ATP2B2: variants seen among roughly 807,000 people sequenced by gnomAD.
ATP2B2 encodes ATPase plasma membrane Ca2+ transporting 2.
A neutral mutation model predicts 120.0 loss-of-function variants in ATP2B2; 15 were observed. The ratio of observed to expected loss-of-function variants is 0.12; its 90% CI spans 0.08 to 0.19. The LOEUF is 0.19. Ranked by LOEUF, ATP2B2 falls within the 10% of genes least tolerant of loss-of-function variation. The pLI, the probability that ATP2B2 is intolerant of heterozygous loss-of-function variation, is 1.00. For synonymous variants in ATP2B2, 694 were observed against 700.3 expected (o/e 0.99, Z 0.14); for missense variants, 1,045 against 1,719.8 (o/e 0.61, Z 6.94).
chr3:10,690,346 C>T (rs754654554), intron 1 of ATP2B2, among the ~76,000 whole-genome samples: 10 of 152,148 alleles, frequency 6.6e-5, no homozygotes, highest in Non-Finnish European at 8.8e-5. Context: ...AGAATTTGCA[C>T]ATGCCGGCAT....
rs3821776 is a variant in ATP2B2 at position 10,372,771 on chromosome 3, T to C, written c.1417-720A>G. ...TTATAACAAAAATGGAATATTCCTATACACAATATTTTCTTCTATCTGCCT... is the reference window on the plus strand; with the variant it reads ...TTATAACAAAAATGGAATATTCCTACACACAATATTTTCTTCTATCTGCCT... On this transcript the variant is annotated intron_variant, in intron 11 of 22. Transcript: ENST00000360273. Among the ~76,000 whole-genome samples the C allele has an allele frequency of 3.3e-5, 5 of 152,338 alleles. No homozygotes were observed. In the East Asian group the frequency reaches 9.6e-4, roughly 29 times the overall value.
At chr3:10,388,615 T>C (rs563978811) in intron 5 of ATP2B2, among the ~76,000 whole-genome samples, 1 of 152,134 alleles carries the variant, frequency 6.6e-6, no homozygotes, top group Non-Finnish European at 1.5e-5. Flanking sequence ...CTGCTACCTA[T>C]CAGTTCTCAG....
chr3:10,363,101 T>C (rs1444101176), intron 12 of ATP2B2, among the ~76,000 whole-genome samples: 1 of 152,262 alleles, frequency 6.6e-6, no homozygotes, highest in Non-Finnish European at 1.5e-5. Context: ...TGAAATATTT[T>C]AATTTTCCTC....
chr3:10,407,923 T>G (rs966027293), intron 3 of ATP2B2, among the ~76,000 whole-genome samples: 4 of 152,290 alleles, frequency 2.6e-5, no homozygotes, highest in Middle Eastern at 6.8e-3. Context: ...GCTGAGCACA[T>G]GGAGGGCCGG....
At chr3:10,530,069 T>C (rs534340882) in intron 3 of ATP2B2, among the ~76,000 whole-genome samples, 1 of 152,214 alleles carries the variant, frequency 6.6e-6, no homozygotes, top group African/African-American at 2.4e-5. Context: ...TTTGTGGTCA[T>C]GTGTCACGGC....
chr3:10,671,593 A>T (rs1463392227), intron 1 of ATP2B2, among the ~76,000 whole-genome samples: 1 of 152,148 alleles, frequency 6.6e-6, no homozygotes, highest in Non-Finnish European at 1.5e-5. Context: ...AGGTGATGCC[A>T]ATACTGCAGG....
chr3:10,462,982 A>G (rs2064562451), intron 1 of ATP2B2, among the ~76,000 whole-genome samples: 1 of 152,118 alleles, frequency 6.6e-6, no homozygotes, highest in African/African-American at 2.4e-5. Flanking sequence ...AACTAATGCA[A>G]GTTCCTGCCT....
chr3:10,328,559 T>C lies in ATP2B2; in HGVS notation c.*255A>G, dbSNP rs1210527324. 1 of 465,432 alleles carries C rather than the reference T, an allele frequency of 2.1e-6. No individual in the cohort carries two copies. Among genetic ancestry groups the C allele is most frequent in the Non-Finnish European group, 3.8e-6 (1 of 261,718 alleles). 28.8% of individuals were successfully genotyped at this position (465,432 alleles called of 1,614,324 possible). ...TGGGTGGGAGCCAGGAAGGGCTTGT[T>C]TTGGGAAAACCGCTCACTCCCGTAA... On this transcript the variant is annotated 3_prime_UTR_variant, in exon 23 of 23. Transcript: ENST00000360273.
intron 3 of ATP2B2, among the ~76,000 whole-genome samples, chr3:10,531,060 C>T (rs1306599418): frequency 3.3e-5 from 5 of 152,186 alleles, no homozygotes; most frequent in African/African-American, 1.2e-4. Context: ...TTCCCTGATT[C>T]CCTTATTGAG....
chr3:10,338,297 T>C lies in ATP2B2; in HGVS notation c.3299A>G (p.Gln1100Arg). The change falls in exon 22 of 23, where the codon CAG (glutamine) becomes CGG (arginine). Residue 1100 changes from glutamine to arginine, a missense_variant. Physicochemically the swap from Gln to Arg is conservative, Grantham distance 43. Transcript: ENST00000360273. ...KFLKEAGRLT[Q>R]KEEIPEEELN... is the part of the protein sequence containing the mutation. Reference sequence around the variant, plus strand: ...CTCCTCCTCCGGGATCTCCTCCTTCTGTGTGAGCCTGCCTGCCTCCTTGAG... The same window carrying C: ...CTCCTCCTCCGGGATCTCCTCCTTCCGTGTGAGCCTGCCTGCCTCCTTGAG... The C allele has an allele frequency of 6.2e-7, 1 of 1,614,182 alleles. No homozygotes were observed. Among genetic ancestry groups the C allele is most frequent in the Non-Finnish European group, 8.5e-7 (1 of 1,180,022 alleles).
intron 1 of ATP2B2, among the ~76,000 whole-genome samples, chr3:10,678,750 T>C (rs927540849): frequency 6.6e-5 from 10 of 152,194 alleles, no homozygotes; most frequent in African/African-American, 2.4e-4. Flanking sequence ...GGGATAATAA[T>C]AGTACCAATC....
chr3:10,381,711 AG>A (rs2061535213), intron 8 of ATP2B2, among the ~76,000 whole-genome samples: 1 of 152,166 alleles, frequency 6.6e-6, no homozygotes, highest in Non-Finnish European at 1.5e-5. Flanking sequence ...GCTGTATTTC[AG>A]GAGAGCTAGG....
intron 3 of ATP2B2, among the ~76,000 whole-genome samples, chr3:10,406,782 C>G (rs2062427871): frequency 6.6e-6 from 1 of 152,240 alleles, no homozygotes; most frequent in South Asian, 2.1e-4. Context: ...ACTCTAATTC[C>G]ACCCATCAAC....
At chr3:10,401,157 A>C in intron 4 of ATP2B2, 79 bp from the exon 5 acceptor site, 2 of 1,570,452 alleles carry the variant, frequency 1.3e-6, no homozygotes, top group African/African-American at 2.7e-5. Flanking sequence ...AGGTGCGATT[A>C]CCAGGGAAGG....
chr3:10,425,982 A>G (rs2063134119), intron 2 of ATP2B2, among the ~76,000 whole-genome samples: 1 of 152,210 alleles, frequency 6.6e-6, no homozygotes, highest in Non-Finnish European at 1.5e-5. Context: ...GGCCCTGCAC[A>G]GAGGGCCCCT....
intron 3 of ATP2B2, among the ~76,000 whole-genome samples, chr3:10,533,288 T>A (rs2067247418): frequency 6.6e-6 from 1 of 152,226 alleles, no homozygotes. Context: ...CTCAGAGAGA[T>A]GGCTGCCCCA....
chr3:10,418,272 T>C (rs1487646007), intron 2 of ATP2B2, among the ~76,000 whole-genome samples: 1 of 152,214 alleles, frequency 6.6e-6, no homozygotes, highest in Non-Finnish European at 1.5e-5. Flanking sequence ...GAGACAACTT[T>C]TATAAGCTAC....
intron 2 of ATP2B2, among the ~76,000 whole-genome samples, chr3:10,446,140 C>T (rs960096963): frequency 2.0e-5 from 3 of 152,268 alleles, no homozygotes; most frequent in South Asian, 4.2e-4. Flanking sequence ...TAACAGCACC[C>T]GTTTCCAGGA....
intron 2 of ATP2B2, among the ~76,000 whole-genome samples, chr3:10,546,139 C>T (rs111586065): frequency 6.6e-6 from 1 of 152,204 alleles, no homozygotes; most frequent in Non-Finnish European, 1.5e-5. Context: ...CAGGCACATG[C>T]ATGCCGGAGG....
Sources: allele counts gnomAD v4.1 joint callset (sites outside exome capture counted in the v4.1 genomes callset), GRCh38; gene constraint gnomAD v4.1.1; transcripts MANE v1.5; gene names NCBI Gene and HGNC (gene_info 2026-07-23, HGNC 2026-07-21).